XPR1: variants seen among roughly 807,000 people sequenced by gnomAD.
XPR1 encodes the protein xenotropic and polytropic retrovirus receptor 1.
Under a neutral mutation model 87.5 loss-of-function variants are expected in XPR1, and 28 were observed. The ratio of observed to expected loss-of-function variants is 0.32; its 90% confidence interval spans 0.24 to 0.44. The LOEUF is 0.44. Among genes scored for constraint, XPR1 ranks in the 20% least tolerant of loss-of-function variants. The probability of loss-of-function intolerance (pLI) is 1.00; values close to 1 mark genes in which losing one functional copy is unlikely to be tolerated. For missense variants in XPR1, 559 were observed against 862.3 expected, an observed-to-expected ratio of 0.65 and a Z score of 4.41; for synonymous variants, 300 against 306.1, an observed-to-expected ratio of 0.98 and a Z score of 0.21.
chr1:180,836,363 A>AC (rs556800626), intron 10 of XPR1, among the ~76,000 whole-genome samples, 159 bp from the exon 11 acceptor site: 147 of 152,236 alleles, frequency 9.7e-4, no homozygotes, highest in African/African-American at 2.9e-3. Context: ...TCTCAAAAAA[A>AC]AAAAAGAAAA....
chr1:180,666,464 A>G (rs770816195), intron 1 of XPR1, among the ~76,000 whole-genome samples: 55 of 152,284 alleles, frequency 3.6e-4, no homozygotes, highest in Middle Eastern at 3.4e-3. Context: ...TTCTTTCAGC[A>G]ACATTTTCTT....
At chr1:180,673,817 C>G (rs923414988) in intron 1 of XPR1, among the ~76,000 whole-genome samples, 2 of 152,194 alleles carry the variant, frequency 1.3e-5, no homozygotes, top group African/African-American at 4.8e-5. Flanking sequence ...GACCACTGAT[C>G]TAGATGACCA....
At chr1:180,797,803 T>G (rs985576646) in intron 3 of XPR1, among the ~76,000 whole-genome samples, 3 of 152,180 alleles carry the variant, frequency 2.0e-5, no homozygotes, top group African/African-American at 7.2e-5. Flanking sequence ...CATAAATACT[T>G]AAGTTGTTTG....
intron 1 of XPR1, among the ~76,000 whole-genome samples, chr1:180,640,147 A>G (rs1654918716): frequency 6.6e-6 from 1 of 152,250 alleles, no homozygotes; most frequent in African/African-American, 2.4e-5. Flanking sequence ...TAGAGAGATC[A>G]GTAATTTGCT....
chr1:180,803,751 C>G, intron 4 of XPR1, 140 bp downstream of exon 4: 1 of 697,360 alleles, frequency 1.4e-6, no homozygotes, highest in Non-Finnish European at 2.3e-6. Context: ...GGGGTTCCTA[C>G]TGGCTAAAAA....
At chr1:180,883,981 T>G (rs1652927445) in intron 14 of XPR1, 25 bp from the exon 15 acceptor site, 2 of 1,610,904 alleles carry the variant, frequency 1.2e-6, no homozygotes, top group East Asian at 4.5e-5. Context: ...GACTAAGTGC[T>G]TTTTGTCCCC....
chr1:180,763,121 A>G (rs934108578), intron 2 of XPR1, among the ~76,000 whole-genome samples: 2 of 152,202 alleles, frequency 1.3e-5, no homozygotes, highest in Non-Finnish European at 2.9e-5. Flanking sequence ...ATTCCCCTCA[A>G]ATGTTCATTA....
chr1:180,759,615 A>G (rs1647913138), intron 2 of XPR1, among the ~76,000 whole-genome samples: 1 of 152,224 alleles, frequency 6.6e-6, no homozygotes, highest in Non-Finnish European at 1.5e-5. Flanking sequence ...AAATTGAGGC[A>G]ATAATCAATA....
At chr1:180,689,100 T>TA (rs1484338932) in intron 2 of XPR1, among the ~76,000 whole-genome samples, 1 of 152,122 alleles carries the variant, frequency 6.6e-6, no homozygotes, top group Non-Finnish European at 1.5e-5. Context: ...TCAACCAAGG[T>TA]AACGGAACTA....
chr1:180,659,428 CT>C, intron 1 of XPR1, among the ~76,000 whole-genome samples: 3 of 101,398 alleles, frequency 3.0e-5, no homozygotes, highest in African/African-American at 4.7e-5. Flanking sequence ...TCCTTCCTTC[CT>C]TCCTTCCTTC....
At chr1:180,777,255 G>C (rs4652529) in intron 2 of XPR1, among the ~76,000 whole-genome samples, 72,590 of 151,798 alleles carry the variant, frequency 0.48, 17,859 homozygotes, top group African/African-American at 0.5. Flanking sequence ...GATCTCTCCC[G>C]TGGTATCTAC....
rs1262861792 is a variant in XPR1 at position 180,803,478 on chromosome 1, C to G, written c.314C>G (p.Thr105Ser). 9 of 1,614,040 alleles carry G rather than the reference C, an allele frequency of 5.6e-6. No individual in the cohort carries two copies. The South Asian group carries it at 6.6e-5, about 12-fold the overall frequency. ...LDAQKESTGV[T>S]TLRQRRKPVF... ...GCACAGAAAGAAAGCACTGGTGTTA[C>G]TACGCTGCGACAACGCAGAAAGCCA... The change falls in exon 4 of 15, where the codon ACT (threonine) becomes AGT (serine). Residue 105 changes from threonine (T) to serine (S), a missense_variant. This residue lies in a region of XPR1 where 159 missense variants were observed against 263.3 expected (regional missense o/e 0.60). Coordinates refer to ENST00000367590, the MANE Select transcript of XPR1 (RefSeq NM_004736.4).
chr1:180,703,901 A>G (rs1005746858), intron 2 of XPR1, among the ~76,000 whole-genome samples: 1 of 152,150 alleles, frequency 6.6e-6, no homozygotes, highest in South Asian at 2.1e-4. Context: ...GGGCTACCAT[A>G]CTGGACAGTA....
rs931419331 is a variant in XPR1, at chr1:180,887,407, GAAATT to G, written c.*3345_*3349del. On this transcript the variant is annotated 3_prime_UTR_variant, in exon 15 of 15. Transcript: ENST00000367590. ...TATAGAAAGCATTGATGTGTGTAGA[GAAATT>G]AAAAGACAAGAGTGGTTTACTGTCT... The G allele has an allele frequency of 7.9e-5, 12 of 152,108 alleles. No homozygotes were observed. The highest frequency in any genetic ancestry group is 2.9e-4 in the African/African-American group (12 of 41,416). 9.4% of individuals were successfully genotyped at this position (152,108 alleles called of 1,614,324 possible). A position where few individuals can be genotyped will look rare whatever the true frequency, so the allele number is the denominator to read the frequency against.
intron 2 of XPR1, among the ~76,000 whole-genome samples, chr1:180,689,117 T>G (rs1020398545): frequency 6.6e-6 from 1 of 152,112 alleles, no homozygotes; most frequent in Non-Finnish European, 1.5e-5. Context: ...ACTAAGAAAT[T>G]GACATTTCTA....
At chr1:180,787,666 T>C in intron 2 of XPR1, 87 bp from the exon 3 acceptor site, 1 of 928,942 alleles carries the variant, frequency 1.1e-6, no homozygotes, top group Non-Finnish European at 1.6e-6. Context: ...TTTTAAAAAC[T>C]CAAAAAGTAA....
At chr1:180,708,933 G>GGGC in intron 2 of XPR1, among the ~76,000 whole-genome samples, 2 of 119,600 alleles carry the variant, frequency 1.7e-5, no homozygotes, top group Non-Finnish European at 3.5e-5. Flanking sequence ...CGGGGGCGGG[G>GGGC]ACAAGTCTCG....
At chr1:180,865,601 C>T (rs1490659463) in intron 12 of XPR1, among the ~76,000 whole-genome samples, 1 of 152,008 alleles carries the variant, frequency 6.6e-6, no homozygotes, top group Non-Finnish European at 1.5e-5. Flanking sequence ...GGGGTTTCAC[C>T]GTGTTAGCCA....
chr1:180,739,188 ATTTG>A (rs1460299215), intron 2 of XPR1, among the ~76,000 whole-genome samples: 5 of 152,008 alleles, frequency 3.3e-5, no homozygotes, highest in African/African-American at 1.2e-4. Context: ...AATTTACCGT[ATTTG>A]TTTGGGTCTA....
Sources: gnomAD v4.1 joint callset for allele counts (sites outside exome capture counted in the v4.1 genomes callset) on GRCh38, gnomAD v4.1.1 for gene constraint, gnomAD v4.1.1 regional missense constraint, MANE v1.5 for transcripts, NCBI Gene and HGNC (gene_info 2026-07-23, HGNC 2026-07-21) for gene names.